The following ZFPM2 variants were observed in gnomAD, a reference collection of about 807,000 sequenced individuals.
The protein encoded by ZFPM2 is zinc finger protein, FOG family member 2, also known as zinc finger protein ZFPM2.
A neutral mutation model predicts 98.6 loss-of-function variants in ZFPM2; 20 were observed. The ratio of observed to expected loss-of-function variants is 0.20; its 90% CI spans 0.14 to 0.29. ZFPM2 has a LOEUF of 0.29. Ranked by LOEUF, ZFPM2 falls within the 10% of genes least tolerant of loss-of-function variation. The pLI, the probability that ZFPM2 is intolerant of heterozygous loss-of-function variation, is 1.00. For missense variants in ZFPM2, 1,310 were observed against 1,388.6 expected (o/e 0.94, Z 0.90); for synonymous variants, 518 against 502.7 (o/e 1.03, Z -0.41).
intron 3 of ZFPM2, among the ~76,000 whole-genome samples, chr8:105,459,856 A>G (rs1472035939): frequency 6.6e-6 from 1 of 152,186 alleles, no homozygotes; most frequent in Non-Finnish European, 1.5e-5. Context: ...AACACAGTTC[A>G]GTCCATAGTG....
intron 1 of ZFPM2, among the ~76,000 whole-genome samples, chr8:105,404,456 T>G (rs187994791): frequency 7.1e-4 from 108 of 152,194 alleles, no homozygotes; most frequent in South Asian, 3.1e-3. Context: ...ATATAAAAGA[T>G]GTTACTGTAA....
chr8:105,790,009 C>T lies in ZFPM2; in HGVS notation c.739+1085C>T, dbSNP rs574251313. ...AGCCCTTTGTCAGATGAGTAGCTTG[C>T]GAAAATTTTCTCCCATTTTGTAGGT... On this transcript the variant is annotated intron_variant, in intron 6 of 7. Coordinates refer to ENST00000407775, the MANE Select transcript of ZFPM2 (RefSeq NM_012082.4). Among the ~76,000 whole-genome samples, 10 of 151,900 alleles carry T rather than the reference C, an allele frequency of 6.6e-5. No individual in the cohort carries two copies. In the South Asian group the frequency reaches 1.9e-3, roughly 28 times the overall value.
At chr8:105,493,512 C>T (rs1246425128) in intron 3 of ZFPM2, among the ~76,000 whole-genome samples, 1 of 152,158 alleles carries the variant, frequency 6.6e-6, no homozygotes, top group Admixed American at 6.5e-5. Context: ...AAGAGAAGTA[C>T]TTCTTTTGCT....
intron 1 of ZFPM2, chr8:105,418,567 A>T: frequency 7.7e-6 from 4 of 517,648 alleles, no homozygotes; most frequent in South Asian, 5.6e-5. Flanking sequence ...AAATTCAATT[A>T]ATTATGAATA....
intron 5 of ZFPM2, among the ~76,000 whole-genome samples, chr8:105,750,837 T>C (rs1272354628): frequency 2.0e-5 from 3 of 151,994 alleles, no homozygotes. Flanking sequence ...GAAATCCAGT[T>C]TGGCGGAAAT....
At chr8:105,388,095 A>G (rs1277774972) in intron 1 of ZFPM2, among the ~76,000 whole-genome samples, 1 of 152,210 alleles carries the variant, frequency 6.6e-6, no homozygotes, top group African/African-American at 2.4e-5. Flanking sequence ...GATAAAAGAT[A>G]TGATATGTGA....
At chr8:105,738,529 AT>A (rs1396604053) in intron 5 of ZFPM2, among the ~76,000 whole-genome samples, 14 of 152,124 alleles carry the variant, frequency 9.2e-5, no homozygotes, top group Non-Finnish European at 1.9e-4. Context: ...TCTTTTGGGT[AT>A]ATACCCAGTA....
intron 3 of ZFPM2, among the ~76,000 whole-genome samples, chr8:105,470,223 G>A (rs553330219): frequency 6.6e-6 from 1 of 152,166 alleles, no homozygotes; most frequent in East Asian, 1.9e-4. Flanking sequence ...TGAGAGAGAT[G>A]GATAGCACAG....
At chr8:105,703,154 A>G (rs1811178477) in intron 5 of ZFPM2, among the ~76,000 whole-genome samples, 2 of 152,178 alleles carry the variant, frequency 1.3e-5, no homozygotes, top group African/African-American at 4.8e-5. Context: ...GACTCACATT[A>G]AGAAAAATGT....
At chr8:105,581,391 T>A (rs1815595076) in intron 4 of ZFPM2, among the ~76,000 whole-genome samples, 1 of 152,198 alleles carries the variant, frequency 6.6e-6, no homozygotes, top group Non-Finnish European at 1.5e-5. Flanking sequence ...TTAAGATGCC[T>A]TTCGCAGTAT....
intron 4 of ZFPM2, among the ~76,000 whole-genome samples, chr8:105,609,050 A>C (rs879714453): frequency 1.3e-5 from 2 of 152,152 alleles, no homozygotes; most frequent in Admixed American, 6.6e-5. Flanking sequence ...GCAATGACAC[A>C]CACACAATTA....
chr8:105,506,454 T>A (rs1353464642), intron 3 of ZFPM2, among the ~76,000 whole-genome samples: 1 of 152,192 alleles, frequency 6.6e-6, no homozygotes, highest in South Asian at 2.1e-4. Context: ...TATAATATTT[T>A]AAAAATTACT....
chr8:105,443,330 A>C lies in ZFPM2; in HGVS notation c.200-950A>C, dbSNP rs142507408. Among the ~76,000 whole-genome samples the C allele has an allele frequency of 6.8e-3, 1,017 of 150,326 alleles. 42 individuals carry two copies. The highest frequency in any genetic ancestry group is 9.7e-3 in the East Asian group (50 of 5,162). On this transcript the variant is annotated intron_variant, in intron 2 of 7. Coordinates refer to ENST00000407775, the MANE Select transcript of ZFPM2 (RefSeq NM_012082.4). ...TCCTTCTCAAAAAACAAAAAACAAA[A>C]AAAAAAAAACTTGGCATTATTAAAT...
intron 1 of ZFPM2, among the ~76,000 whole-genome samples, chr8:105,393,868 G>T (rs1020081657): frequency 6.7e-6 from 1 of 149,912 alleles, no homozygotes; most frequent in Non-Finnish European, 1.5e-5. Flanking sequence ...CTATTGAAAT[G>T]TTATAGAATT....
At chr8:105,727,109 A>T (rs1265835784) in intron 5 of ZFPM2, among the ~76,000 whole-genome samples, 1 of 151,640 alleles carries the variant, frequency 6.6e-6, no homozygotes, top group Admixed American at 6.6e-5. Context: ...TTTATGTTTT[A>T]AAACTTTTAT....
chr8:105,545,944 A>T (rs1420533085), intron 3 of ZFPM2, among the ~76,000 whole-genome samples: 1 of 152,316 alleles, frequency 6.6e-6, no homozygotes, highest in South Asian at 2.1e-4. Context: ...GTTATCTAGA[A>T]ATGGAATGGG....
chr8:105,582,527 T>C (rs1815623917), intron 4 of ZFPM2, among the ~76,000 whole-genome samples: 3 of 152,156 alleles, frequency 2.0e-5, no homozygotes, highest in Admixed American at 2.0e-4. Flanking sequence ...ATAGTGCCAA[T>C]GTGGAGAAAC....
intron 4 of ZFPM2, among the ~76,000 whole-genome samples, chr8:105,615,980 T>C (rs1816406498): frequency 6.6e-6 from 1 of 152,150 alleles, no homozygotes; most frequent in Non-Finnish European, 1.5e-5. Context: ...AGTTGACAAA[T>C]GAGGCAACAT....
At chr8:105,478,035 T>C (rs1301962680) in intron 3 of ZFPM2, among the ~76,000 whole-genome samples, 1 of 152,184 alleles carries the variant, frequency 6.6e-6, no homozygotes, top group African/African-American at 2.4e-5. Flanking sequence ...ATTTTTCAAG[T>C]CTGGGAACAT....
Sources: gnomAD v4.1 joint callset for allele counts (sites outside exome capture counted in the v4.1 genomes callset) on GRCh38, gnomAD v4.1.1 for gene constraint, MANE v1.5 for transcripts, NCBI Gene and HGNC (gene_info 2026-07-23, HGNC 2026-07-21) for gene names.